Variants in KCNK1 observed in about 807,000 individuals in gnomAD.
KCNK1 encodes the protein potassium channel subfamily K member 1.
KCNK1 carries 10 observed loss-of-function variants against 22.2 expected under a neutral mutation model. The observed-to-expected ratio is 0.45, with a 90% CI of 0.28 to 0.76. The LOEUF (loss-of-function observed/expected upper bound fraction) is 0.76, where lower values mean the gene tolerates loss of function less well. Ranked by LOEUF, KCNK1 falls within the 30% of genes least tolerant of loss-of-function variation. KCNK1 has a pLI of 0.14. For missense variants in KCNK1, 378 were observed against 421.0 expected (o/e 0.90, Z 0.89); for synonymous variants, 200 against 186.4 (o/e 1.07, Z -0.60).
intron 1 of KCNK1, among the ~76,000 whole-genome samples, chr1:233,634,478 C>G (rs1657862545): frequency 6.6e-6 from 1 of 152,074 alleles, no homozygotes; most frequent in Non-Finnish European, 1.5e-5. Flanking sequence ...AAATCTGAGG[C>G]CAGAAAATGT....
At chr1:233,641,418 A>T (rs541995580) in intron 1 of KCNK1, among the ~76,000 whole-genome samples, 1 of 152,380 alleles carries the variant, frequency 6.6e-6, no homozygotes, top group African/African-American at 2.4e-5. Flanking sequence ...TTAGAGAAAC[A>T]TCTAAACTGA....
At chr1:233,645,340 G>A (rs1043300611) in intron 1 of KCNK1, among the ~76,000 whole-genome samples, 19 of 152,174 alleles carry the variant, frequency 1.2e-4, no homozygotes, top group African/African-American at 3.4e-4. Flanking sequence ...TGGAAAAAAC[G>A]TCCTTGTGGA....
intron 1 of KCNK1, among the ~76,000 whole-genome samples, chr1:233,618,419 G>A (rs1018818059): frequency 1.3e-5 from 2 of 150,808 alleles, no homozygotes; most frequent in African/African-American, 2.4e-5. Flanking sequence ...AGGAAATAAT[G>A]TCCAGGTGAT....
At position 233,671,283 on chromosome 1, in the gene KCNK1, T is replaced by C. The variant is rs1658592052; in HGVS notation, c.764T>C (p.Leu255Pro). The C allele has an allele frequency of 6.2e-7, 1 of 1,614,066 alleles. No individual in the cohort carries two copies. Among genetic ancestry groups the C allele is most frequent in the East Asian group, 2.2e-5 (1 of 44,906 alleles). ...GTTTCTCACACAGGTTACCTGCTAC[T>C]TGGCCTTATTGCCATGTTGGTAGTT... ...YKIGITCYLL[L>P]GLIAMLVVLE... is the part of the protein sequence containing the mutation. The change falls in exon 3 of 3, where the codon CTT becomes CCT. Residue 255 changes from leucine (L) to proline (P), a missense_variant. Physicochemically the swap from Leu to Pro is moderately conservative, Grantham distance 98. Coordinates refer to ENST00000366621, the MANE Select transcript of KCNK1 (RefSeq NM_002245.4).
At chr1:233,644,935 C>A (rs2102897663) in intron 1 of KCNK1, among the ~76,000 whole-genome samples, 1 of 152,324 alleles carries the variant, frequency 6.6e-6, no homozygotes, top group East Asian at 1.9e-4. Context: ...TGGCTCACAT[C>A]TGTAATCCTA....
intron 1 of KCNK1, among the ~76,000 whole-genome samples, chr1:233,657,146 G>A (rs1012825043): frequency 1.3e-5 from 2 of 152,284 alleles, no homozygotes; most frequent in Admixed American, 1.3e-4. Context: ...GGGCAGTGAG[G>A]ATGAGTGAGG....
chr1:233,670,405 G>T (rs573521298), intron 2 of KCNK1, among the ~76,000 whole-genome samples: 2 of 152,168 alleles, frequency 1.3e-5, no homozygotes, highest in Non-Finnish European at 2.9e-5. Context: ...TTAGTTTAGT[G>T]TATTAGTCTG....
chr1:233,662,292 C>T (rs1658411363), intron 1 of KCNK1, among the ~76,000 whole-genome samples: 1 of 151,530 alleles, frequency 6.6e-6, no homozygotes, highest in Non-Finnish European at 1.5e-5. Flanking sequence ...TCCTCCTCTT[C>T]CTCTTCTTCT....
chr1:233,627,315 T>C (rs1036087545), intron 1 of KCNK1, among the ~76,000 whole-genome samples: 3 of 152,214 alleles, frequency 2.0e-5, no homozygotes, highest in Non-Finnish European at 4.4e-5. Context: ...TGTTTTAAAC[T>C]AGAATTAAAA....
chr1:233,632,028 A>C (rs1657806464), intron 1 of KCNK1, among the ~76,000 whole-genome samples: 1 of 152,170 alleles, frequency 6.6e-6, no homozygotes, highest in Admixed American at 6.5e-5. Context: ...ATGCCATGAC[A>C]AAATTTACCC....
intron 1 of KCNK1, among the ~76,000 whole-genome samples, chr1:233,658,149 A>G (rs533580362): frequency 1.3e-5 from 2 of 152,330 alleles, no homozygotes; most frequent in East Asian, 3.9e-4. Context: ...TTCTCAAGCT[A>G]AGAAAGGTTC....
intron 1 of KCNK1, chr1:233,624,360 A>G (rs633860): frequency 0.51 from 77,875 of 152,256 alleles, 20,187 homozygotes; most frequent in East Asian, 0.61. Context: ...GTTGTCCCAG[A>G]CACCTCCTCC....
At chr1:233,652,980 G>A (rs1378120746) in intron 1 of KCNK1, among the ~76,000 whole-genome samples, 2 of 152,350 alleles carry the variant, frequency 1.3e-5, no homozygotes, top group East Asian at 3.9e-4. Flanking sequence ...TCACCTGTGA[G>A]CATGCCTTTC....
At chr1:233,668,586 G>A (rs1174220890) in intron 2 of KCNK1, among the ~76,000 whole-genome samples, 1 of 151,962 alleles carries the variant, frequency 6.6e-6, no homozygotes, top group Admixed American at 6.5e-5. Context: ...TAATTCAGGG[G>A]TATTATAAAT....
chr1:233,664,053 A>G (rs1174833847), intron 1 of KCNK1, among the ~76,000 whole-genome samples: 2 of 152,020 alleles, frequency 1.3e-5, no homozygotes, highest in East Asian at 3.9e-4. Context: ...GCTAGTCTCA[A>G]ACTCCTGACC....
At chr1:233,650,696 A>AT (rs1658184016) in intron 1 of KCNK1, among the ~76,000 whole-genome samples, 1 of 151,864 alleles carries the variant, frequency 6.6e-6, no homozygotes, top group Non-Finnish European at 1.5e-5. Context: ...AAGGCATCAA[A>AT]TTTTTCAGGG....
At chr1:233,618,947 C>T (rs1657531567) in intron 1 of KCNK1, among the ~76,000 whole-genome samples, 1 of 152,210 alleles carries the variant, frequency 6.6e-6, no homozygotes, top group Non-Finnish European at 1.5e-5. Context: ...ATGCAGTATA[C>T]AAACTTTTAG....
At chr1:233,618,961 CT>C (rs1411702307) in intron 1 of KCNK1, among the ~76,000 whole-genome samples, 1 of 152,134 alleles carries the variant, frequency 6.6e-6, no homozygotes, top group Non-Finnish European at 1.5e-5. Flanking sequence ...CTTTTAGTAC[CT>C]TTTGCTGCTT....
chr1:233,665,133 T>G (rs542169233), intron 1 of KCNK1, among the ~76,000 whole-genome samples: 12 of 152,298 alleles, frequency 7.9e-5, no homozygotes, highest in East Asian at 7.7e-4. Flanking sequence ...CTAATGTAAT[T>G]TTTTCAATGT....
Sources: gnomAD v4.1 joint callset for allele counts (sites outside exome capture counted in the v4.1 genomes callset) on GRCh38, gnomAD v4.1.1 for gene constraint, MANE v1.5 for transcripts, NCBI Gene and HGNC (gene_info 2026-07-23, HGNC 2026-07-21) for gene names.